The following RSPO2 variants were observed in gnomAD, a reference collection of about 807,000 sequenced individuals.
The protein encoded by RSPO2 is R-spondin-2.
RSPO2 carries 14 observed loss-of-function variants against 30.9 expected under a neutral mutation model. The ratio of observed to expected loss-of-function variants is 0.45; its 90% CI spans 0.30 to 0.71. The LOEUF (loss-of-function observed/expected upper bound fraction) is 0.71. RSPO2 is among the 30% of genes least tolerant of loss of function. RSPO2 has a pLI of 0.08. For missense variants in RSPO2, 264 were observed against 301.9 expected (o/e 0.87, Z 0.93); for synonymous variants, 107 against 96.4 (o/e 1.11, Z -0.64).
intron 2 of RSPO2, among the ~76,000 whole-genome samples, chr8:108,008,072 A>G (rs1459692449): frequency 6.6e-6 from 1 of 152,116 alleles, no homozygotes; most frequent in Admixed American, 6.5e-5. Flanking sequence ...ACACACATAC[A>G]CCCAAGGGAG....
At chr8:108,006,240 A>G (rs139753427) in intron 2 of RSPO2, among the ~76,000 whole-genome samples, 1,002 of 152,310 alleles carry the variant, frequency 6.6e-3, no homozygotes, top group Non-Finnish European at 0.01. Context: ...ATTCAACACA[A>G]TTGCATAGGA....
At chr8:107,986,236 T>G (rs536726284) in intron 3 of RSPO2, among the ~76,000 whole-genome samples, 1 of 152,298 alleles carries the variant, frequency 6.6e-6, no homozygotes, top group African/African-American at 2.4e-5. Flanking sequence ...GAAAGAAACA[T>G]GATTATCCAA....
At chr8:108,006,115 C>T (rs748789188) in intron 2 of RSPO2, among the ~76,000 whole-genome samples, 18 of 152,172 alleles carry the variant, frequency 1.2e-4, no homozygotes, top group Admixed American at 2.0e-4. Context: ...AGAAGAAACA[C>T]GTTTGTGTTT....
intron 3 of RSPO2, chr8:107,983,841 T>C: frequency 6.3e-7 from 1 of 1,599,822 alleles, no homozygotes. Context: ...CTCCTCAACC[T>C]GGCAGAAGTT....
chr8:108,061,662 A>C (rs1812469795), intron 2 of RSPO2, among the ~76,000 whole-genome samples: 1 of 151,898 alleles, frequency 6.6e-6, no homozygotes, highest in Non-Finnish European at 1.5e-5. Context: ...CAGGAATTGA[A>C]CTCAGCTCTG....
intron 2 of RSPO2, among the ~76,000 whole-genome samples, chr8:108,080,695 T>TC (rs537301665): frequency 6.2e-4 from 95 of 152,264 alleles, no homozygotes; most frequent in Non-Finnish European, 9.8e-4. Context: ...GCTTGGTTCT[T>TC]CCCCACTCAA....
At chr8:108,062,319 A>G (rs1812496519) in intron 2 of RSPO2, among the ~76,000 whole-genome samples, 1 of 151,886 alleles carries the variant, frequency 6.6e-6, no homozygotes, top group African/African-American at 2.4e-5. Context: ...AAGAGAGAAG[A>G]ATCAAATAGA....
At chr8:108,064,000 C>A (rs1433944146) in intron 2 of RSPO2, among the ~76,000 whole-genome samples, 1 of 152,152 alleles carries the variant, frequency 6.6e-6, no homozygotes, top group Non-Finnish European at 1.5e-5. Context: ...AGCTGGATCC[C>A]TTCCTTACCC....
chr8:108,060,854 G>A (rs562035587), intron 2 of RSPO2, among the ~76,000 whole-genome samples: 14 of 151,872 alleles, frequency 9.2e-5, no homozygotes, highest in South Asian at 2.1e-4. Context: ...ACCTCTACAA[G>A]CCAGAAGACA....
intron 3 of RSPO2, among the ~76,000 whole-genome samples, chr8:107,964,513 G>A (rs1169697681): frequency 6.6e-6 from 1 of 152,142 alleles, no homozygotes; most frequent in African/African-American, 2.4e-5. Flanking sequence ...CAAAGTGTGT[G>A]AGCCACCATG....
intron 2 of RSPO2, among the ~76,000 whole-genome samples, chr8:108,044,739 G>A (rs1287451223): frequency 6.6e-6 from 1 of 152,000 alleles, no homozygotes; most frequent in African/African-American, 2.4e-5. Flanking sequence ...ATATTGTTGG[G>A]TCAAATGATA....
Position 107,989,264 on chromosome 8 carries a change from A to C in RSPO2, c.95-20T>G. 1 of 1,507,386 alleles carries C rather than the reference A, an allele frequency of 6.6e-7. No homozygotes were observed. Among genetic ancestry groups the C allele is most frequent in the Non-Finnish European group, 8.9e-7 (1 of 1,124,590 alleles). 93.4% of individuals were successfully genotyped at this position (1,507,386 alleles called of 1,614,324 possible). A position where few individuals can be genotyped will look rare whatever the true frequency, so the allele number is the denominator to read the frequency against. On this transcript the variant is annotated intron_variant, in intron 2 of 5. Coordinates refer to ENST00000276659, the MANE Select transcript of RSPO2 (RefSeq NM_178565.5). The stretch of plus-strand genomic sequence containing the variant: ...AACTAGCTGTAAAAGAAAAACAAAA[A>C]TTGTGTTTAATTATCAGTATAATCA...
At chr8:107,985,113 T>C (rs1814580069) in intron 3 of RSPO2, among the ~76,000 whole-genome samples, 1 of 152,180 alleles carries the variant, frequency 6.6e-6, no homozygotes, top group East Asian at 1.9e-4. Flanking sequence ...TTCAGCTTCA[T>C]TTGTGTCAAA....
At chr8:107,936,472 G>A (rs1372430368) in intron 5 of RSPO2, among the ~76,000 whole-genome samples, 2 of 151,992 alleles carry the variant, frequency 1.3e-5, no homozygotes, top group African/African-American at 4.8e-5. Context: ...TTTTTTCTTT[G>A]AATAAATACC....
intron 2 of RSPO2, among the ~76,000 whole-genome samples, chr8:108,082,220 T>G (rs1157876978): frequency 6.6e-6 from 1 of 151,798 alleles, no homozygotes; most frequent in Non-Finnish European, 1.5e-5. Flanking sequence ...AGATAAGAAA[T>G]ACGTCCTAAA....
intron 2 of RSPO2, among the ~76,000 whole-genome samples, chr8:108,075,940 C>T (rs1391135852): frequency 6.6e-6 from 1 of 152,086 alleles, no homozygotes; most frequent in Non-Finnish European, 1.5e-5. Flanking sequence ...TACCGTAGTT[C>T]TGCCTAAGAG....
intron 2 of RSPO2, among the ~76,000 whole-genome samples, chr8:108,008,757 T>C (rs1303998223): frequency 2.0e-5 from 3 of 146,416 alleles, no homozygotes. Flanking sequence ...AAGAGTCTCC[T>C]GAAAGGCTAT....
intron 3 of RSPO2, among the ~76,000 whole-genome samples, chr8:107,968,557 TTATTA>T (rs1484770672): frequency 3.3e-5 from 5 of 152,028 alleles, no homozygotes; most frequent in African/African-American, 1.2e-4. Context: ...TAGTAATCAT[TTATTA>T]TATATTTCAA....
intron 5 of RSPO2, among the ~76,000 whole-genome samples, chr8:107,953,986 C>G (rs1458697795): frequency 1.3e-5 from 2 of 152,184 alleles, no homozygotes; most frequent in Non-Finnish European, 2.9e-5. Context: ...TTCTTTATTG[C>G]AGCTATTCCT....
Sources: allele counts gnomAD v4.1 joint callset (sites outside exome capture counted in the v4.1 genomes callset), GRCh38; gene constraint gnomAD v4.1.1; transcripts MANE v1.5; gene names NCBI Gene and HGNC (gene_info 2026-07-23, HGNC 2026-07-21).